The following MRPL1 variants were observed in gnomAD, a reference collection of about 807,000 sequenced individuals.
The protein encoded by MRPL1 is large ribosomal subunit protein uL1m.
MRPL1 carries 28 observed loss-of-function variants against 38.0 expected under a neutral mutation model. The observed-to-expected ratio is 0.74, with a 90% confidence interval of 0.55 to 1.01. MRPL1 has a LOEUF of 1.01. MRPL1 is among the 50% of genes least tolerant of loss of function. The probability of loss-of-function intolerance (pLI) is 0.00; values close to 1 mark genes in which losing one functional copy is unlikely to be tolerated. For missense variants in MRPL1, 358 were observed against 389.8 expected (o/e 0.92, Z 0.69); for synonymous variants, 123 against 126.7 (o/e 0.97, Z 0.20).
At chr4:77,916,813 C>A (rs1001524402) in intron 7 of MRPL1, among the ~76,000 whole-genome samples, 1 of 152,084 alleles carries the variant, frequency 6.6e-6, no homozygotes, top group Non-Finnish European at 1.5e-5. Context: ...TGCCAAAATT[C>A]TCTAAGTATA....
chr4:77,946,306 C>T (rs1489156385), intron 7 of MRPL1, among the ~76,000 whole-genome samples: 1 of 151,694 alleles, frequency 6.6e-6, no homozygotes, highest in African/African-American at 2.4e-5. Context: ...GCTCTCTTCC[C>T]TTGTTCCCTA....
intron 7 of MRPL1, among the ~76,000 whole-genome samples, chr4:77,911,900 AG>A (rs1736298086): frequency 6.6e-6 from 1 of 152,202 alleles, no homozygotes. Flanking sequence ...ATCATGCTCA[AG>A]TAGGGTTTAT....
chr4:77,890,127 T>G (rs1343183192), intron 5 of MRPL1, among the ~76,000 whole-genome samples: 2 of 152,196 alleles, frequency 1.3e-5, no homozygotes, highest in African/African-American at 4.8e-5. Context: ...CTAATTCATT[T>G]TATGAGGCCA....
At chr4:77,869,137 G>A (rs1451928676) in intron 1 of MRPL1, among the ~76,000 whole-genome samples, 1 of 152,120 alleles carries the variant, frequency 6.6e-6, no homozygotes, top group African/African-American at 2.4e-5. Context: ...GGGAGAGTGA[G>A]GATTATAGAG....
At chr4:77,895,072 A>T (rs1578045885) in intron 6 of MRPL1, among the ~76,000 whole-genome samples, 1 of 152,150 alleles carries the variant, frequency 6.6e-6, no homozygotes, top group Non-Finnish European at 1.5e-5. Context: ...TTGATGCCGT[A>T]TTGAGAAGAA....
At chr4:77,901,002 GA>G (rs1736023069) in intron 6 of MRPL1, among the ~76,000 whole-genome samples, 1 of 152,042 alleles carries the variant, frequency 6.6e-6, no homozygotes, top group Non-Finnish European at 1.5e-5. Context: ...GGGGGTAAGG[GA>G]GGGGGAAGGA....
At chr4:77,939,641 C>T (rs1441954636) in intron 7 of MRPL1, among the ~76,000 whole-genome samples, 2 of 152,156 alleles carry the variant, frequency 1.3e-5, no homozygotes, top group African/African-American at 2.4e-5. Context: ...AGGGTTTTTC[C>T]GATGTTATCT....
chr4:77,871,930 A>T, intron 2 of MRPL1, 75 bp downstream of exon 2: 1 of 952,010 alleles, frequency 1.1e-6, no homozygotes, highest in Non-Finnish European at 1.6e-6. Flanking sequence ...TTAGTTCCAT[A>T]AAGATTTACC....
chr4:77,949,757 C>A, intron 7 of MRPL1, 40 bp from the exon 8 acceptor site: 1 of 1,290,282 alleles, frequency 7.8e-7, no homozygotes, highest in African/African-American at 1.5e-5. Context: ...TATCTTCTTG[C>A]TTTCTCATCA....
chr4:77,877,459 A>G (rs1326562917), intron 2 of MRPL1, among the ~76,000 whole-genome samples: 1 of 112,988 alleles, frequency 8.9e-6, no homozygotes, highest in Non-Finnish European at 1.6e-5. Flanking sequence ...GTTCCTGTTC[A>G]TGCTCAATTT....
intron 7 of MRPL1, among the ~76,000 whole-genome samples, chr4:77,926,441 G>A (rs557676130): frequency 6.6e-6 from 1 of 152,140 alleles, no homozygotes; most frequent in Non-Finnish European, 1.5e-5. Context: ...TCTAATGATA[G>A]TAAGGCTTTT....
chr4:77,886,756 C>T (rs982428160), intron 4 of MRPL1, among the ~76,000 whole-genome samples: 53 of 150,064 alleles, frequency 3.5e-4, no homozygotes, highest in African/African-American at 1.3e-3. Flanking sequence ...GTTGGGATTA[C>T]AGGTGTGGCT....
intron 2 of MRPL1, among the ~76,000 whole-genome samples, chr4:77,882,413 T>C (rs1735567226): frequency 1.3e-5 from 2 of 152,222 alleles, no homozygotes; most frequent in South Asian, 4.1e-4. Context: ...CAGCCATCAC[T>C]GTAATCAGTT....
At chr4:77,930,280 G>A (rs953510643) in intron 7 of MRPL1, among the ~76,000 whole-genome samples, 8 of 152,248 alleles carry the variant, frequency 5.3e-5, no homozygotes, top group Admixed American at 4.6e-4. Flanking sequence ...ACTGATAATG[G>A]TCCGTGTCCT....
Position 77,862,916 on chromosome 4 carries a change from T to C in MRPL1, c.31+37T>C, listed in dbSNP as rs367751960. Reference sequence around the variant, plus strand: ...GGTTGTCTTGCAGGGGAAATGGCTCTGGCACCGAGTCTCTGGTTGCAGCAG... The same window carrying C: ...GGTTGTCTTGCAGGGGAAATGGCTCCGGCACCGAGTCTCTGGTTGCAGCAG... On this transcript the variant is annotated intron_variant, in intron 1 of 8. Coordinates refer to ENST00000315567, the MANE Select transcript of MRPL1 (RefSeq NM_020236.4). 2.5e-6 allele frequency: 4 copies of C among 1,613,624 alleles called. No homozygotes were observed. The African/African-American group carries it at 5.3e-5, about 22-fold the overall frequency.
chr4:77,949,773 G>A, intron 7 of MRPL1, 24 bp from the exon 8 acceptor site: 1 of 1,420,026 alleles, frequency 7.0e-7, no homozygotes, highest in Non-Finnish European at 9.9e-7. Flanking sequence ...CATCATTAAT[G>A]TTATGTATAT....
intron 6 of MRPL1, among the ~76,000 whole-genome samples, chr4:77,895,082 A>C (rs1735882797): frequency 6.6e-6 from 1 of 152,118 alleles, no homozygotes; most frequent in South Asian, 2.1e-4. Flanking sequence ...ATTGAGAAGA[A>C]CTTTGAATGA....
chr4:77,867,904 C>T (rs1288780374), intron 1 of MRPL1, among the ~76,000 whole-genome samples: 2 of 150,572 alleles, frequency 1.3e-5, no homozygotes, highest in Non-Finnish European at 3.0e-5. Context: ...CTATAGGCGC[C>T]CGCCACCATG....
chr4:77,906,045 G>A (rs1008015303), intron 6 of MRPL1, among the ~76,000 whole-genome samples: 2 of 152,204 alleles, frequency 1.3e-5, no homozygotes, highest in African/African-American at 4.8e-5. Context: ...AAAGCCATGT[G>A]TCTGCATGAG....
Sources: allele counts gnomAD v4.1 joint callset (sites outside exome capture counted in the v4.1 genomes callset), GRCh38; gene constraint gnomAD v4.1.1; transcripts MANE v1.5; gene names NCBI Gene and HGNC (gene_info 2026-07-23, HGNC 2026-07-21).